The following CREB5 variants were observed in gnomAD, a reference collection of about 807,000 sequenced individuals.
CREB5 encodes cAMP responsive element binding protein 5.
Under a neutral mutation model 57.1 loss-of-function variants are expected in CREB5, and 19 were observed. The observed-to-expected ratio is 0.33, with a 90% CI of 0.23 to 0.49. CREB5 has a LOEUF of 0.49. Among genes scored for constraint, CREB5 ranks in the 20% least tolerant of loss-of-function variants. The pLI is 0.99. For missense variants in CREB5, 579 were observed against 671.6 expected (o/e 0.86, Z 1.52); for synonymous variants, 238 against 238.3 (o/e 1.00, Z 0.01).
rs1361162442 is a variant in CREB5, at chr7:28,635,430, G to A, written c.464+64893G>A. Among the ~76,000 whole-genome samples, 4 of 152,152 alleles carry A rather than the reference G, an allele frequency of 2.6e-5. No homozygotes were observed. The East Asian group carries it at 7.7e-4, about 29-fold the overall frequency. ...ATGATCCTGGAAATAACTAATACTT[G>A]TTGGCCACTTACTATGCCAGGCAAG... On this transcript the variant is annotated intron_variant, in intron 5 of 10. Coordinates refer to ENST00000357727, the MANE Select transcript of CREB5 (RefSeq NM_182898.4).
intron 5 of CREB5, among the ~76,000 whole-genome samples, chr7:28,617,094 T>C (rs1364947978): frequency 6.6e-6 from 1 of 152,216 alleles, no homozygotes; most frequent in Non-Finnish European, 1.5e-5. Context: ...ACAAGAAGGA[T>C]TCCAGGTACA....
At chr7:28,408,619 G>A (rs1787642040), upstream of CREB5, among the ~76,000 whole-genome samples, 1 of 152,142 alleles carries the variant, frequency 6.6e-6, no homozygotes, top group African/African-American at 2.4e-5. Context: ...TCATCACTTG[G>A]CTCTAGCTGT....
At chr7:28,451,554 T>C (rs1219594777) in intron 1 of CREB5, among the ~76,000 whole-genome samples, 1 of 151,968 alleles carries the variant, frequency 6.6e-6, no homozygotes, top group Admixed American at 6.6e-5. Flanking sequence ...GAAGCTGGTT[T>C]GTGAGGTTGT....
At chr7:28,616,273 C>T (rs1194657152) in intron 5 of CREB5, among the ~76,000 whole-genome samples, 1 of 152,176 alleles carries the variant, frequency 6.6e-6, no homozygotes, top group Non-Finnish European at 1.5e-5. Context: ...CAGTCACTGA[C>T]ACGGTCTATA....
intron 4 of CREB5, among the ~76,000 whole-genome samples, chr7:28,542,955 G>A (rs375319983): frequency 1.1e-4 from 17 of 152,176 alleles, no homozygotes; most frequent in African/African-American, 3.4e-4. Context: ...TTTGTTCTCC[G>A]TCACCCTGCT....
At chr7:28,645,813 G>A (rs1048039428) in intron 5 of CREB5, among the ~76,000 whole-genome samples, 8 of 152,182 alleles carry the variant, frequency 5.3e-5, no homozygotes, top group African/African-American at 1.7e-4. Context: ...GTATATGAGA[G>A]TGTTTTCAGT....
At chr7:28,592,562 C>T (rs558745410) in intron 5 of CREB5, among the ~76,000 whole-genome samples, 4 of 152,242 alleles carry the variant, frequency 2.6e-5, no homozygotes, top group South Asian at 2.1e-4. Flanking sequence ...CTCTACATCA[C>T]CCCCACGCAG....
Position 28,313,860 on chromosome 7 carries a change from C to T in CREB5, c.-25+14419C>T, listed in dbSNP as rs145232310. Among the ~76,000 whole-genome samples the T allele has an allele frequency of 4.2e-3, 636 of 152,262 alleles. 9 individuals are homozygous for T. The highest frequency in any genetic ancestry group is 0.015 in the African/African-American group (622 of 41,558). ...ATATATCTGAAAGTTTCTAGCACTT[C>T]AGGGAGATTTTGAGATTTATTCTAG... On this transcript the variant is annotated intron_variant, in intron 1 of 9. Coordinates refer to the CREB5 transcript ENST00000396299.
intron 4 of CREB5, among the ~76,000 whole-genome samples, chr7:28,561,098 T>C (rs1387993422): frequency 1.3e-5 from 2 of 152,180 alleles, no homozygotes; most frequent in Non-Finnish European, 2.9e-5. Flanking sequence ...CTACTTTTCA[T>C]ATTCCTTCTA....
chr7:28,441,569 C>T (rs1789184721), intron 1 of CREB5, among the ~76,000 whole-genome samples: 3 of 152,106 alleles, frequency 2.0e-5, no homozygotes, highest in African/African-American at 7.2e-5. Context: ...CATCTCTTTT[C>T]TTGATGTTAT....
chr7:28,455,113 A>C (rs1583483463), intron 1 of CREB5, among the ~76,000 whole-genome samples: 1 of 152,252 alleles, frequency 6.6e-6, no homozygotes, highest in African/African-American at 2.4e-5. Flanking sequence ...GGGCAAAGCC[A>C]CATGTGAAAC....
In CREB5 at chr7:28,735,813, C is replaced by CT. The variant is rs1011298427; in HGVS notation, c.702+11492dup. On this transcript the variant is annotated intron_variant, in intron 7 of 10. Coordinates refer to ENST00000357727, the MANE Select transcript of CREB5 (RefSeq NM_182898.4). ...ATTACTGTGTGCTTCCTCTCTCTCT[C>CT]TTTTTTTTTTTAATGGAATTTTGTT... Among the ~76,000 whole-genome samples, 196 of 144,854 alleles carry CT rather than the reference C, an allele frequency of 1.4e-3. 1 individual carries two copies. The highest frequency in any genetic ancestry group is 1.7e-3 in the Non-Finnish European group (113 of 65,650).
chr7:28,577,307 C>G lies in CREB5; in HGVS notation c.464+6770C>G, dbSNP rs375072852. 1.5e-3 allele frequency among the ~76,000 whole-genome samples: 226 copies of G among 152,238 alleles called. 5 individuals are homozygous for G. The South Asian group carries it at 0.045, about 30-fold the overall frequency. On this transcript the variant is annotated intron_variant, in intron 5 of 10. Coordinates refer to ENST00000357727, the MANE Select transcript of CREB5 (RefSeq NM_182898.4). Reference sequence around the variant, plus strand: ...CCAGGAGCCAAGTTTGGCAGAAGCTCTAGATTATCTGACCTCCTAGATATG... The same window carrying G: ...CCAGGAGCCAAGTTTGGCAGAAGCTGTAGATTATCTGACCTCCTAGATATG...
intron 1 of CREB5, among the ~76,000 whole-genome samples, chr7:28,474,160 T>C (rs993061494): frequency 1.3e-5 from 2 of 152,290 alleles, no homozygotes; most frequent in South Asian, 4.1e-4. Flanking sequence ...CTTAAGCTAC[T>C]TTTTTGGAAC....
At chr7:28,438,366 G>A (rs1051112567) in intron 1 of CREB5, among the ~76,000 whole-genome samples, 1 of 152,124 alleles carries the variant, frequency 6.6e-6, no homozygotes, top group African/African-American at 2.4e-5. Flanking sequence ...GCTGTCAAAG[G>A]GGGGTGTCGG....
At chr7:28,455,339 G>A (rs1790045702) in intron 1 of CREB5, among the ~76,000 whole-genome samples, 1 of 152,190 alleles carries the variant, frequency 6.6e-6, no homozygotes. Context: ...GATGATTTGG[G>A]AGTGGAACAA....
intron 4 of CREB5, among the ~76,000 whole-genome samples, chr7:28,541,353 G>A (rs1211512664): frequency 6.6e-6 from 1 of 152,066 alleles, no homozygotes; most frequent in Admixed American, 6.5e-5. Flanking sequence ...AACCCAGTCA[G>A]CAGACCCCAC....
chr7:28,553,480 C>T lies in CREB5; in HGVS notation c.292-16885C>T, dbSNP rs745885527. ...TGCACCCCTGACATGCTGCCAGGTT[C>T]CTGTTTATATGCACACAATAGGCAG... On this transcript the variant is annotated intron_variant, in intron 4 of 10. Coordinates refer to ENST00000357727, the MANE Select transcript of CREB5 (RefSeq NM_182898.4). Among the ~76,000 whole-genome samples, 78 of 152,214 alleles carry T rather than the reference C, an allele frequency of 5.1e-4. 1 individual carries two copies. Among genetic ancestry groups the T allele is most frequent in the Non-Finnish European group, 7.9e-4 (54 of 68,018 alleles).
chr7:28,535,638 AAGAG>A (rs765679520), intron 4 of CREB5, among the ~76,000 whole-genome samples: 2 of 151,982 alleles, frequency 1.3e-5, no homozygotes, highest in Non-Finnish European at 2.9e-5. Context: ...AGGAAGGAAA[AAGAG>A]AAGGGAAGGA....
Sources: gnomAD v4.1 joint callset for allele counts (sites outside exome capture counted in the v4.1 genomes callset) on GRCh38, gnomAD v4.1.1 for gene constraint, MANE v1.5 for transcripts, NCBI Gene and HGNC (gene_info 2026-07-23, HGNC 2026-07-21) for gene names.